KIDINS220: variants seen among roughly 807,000 people sequenced by gnomAD.
The protein encoded by KIDINS220 is kinase D-interacting substrate of 220 kDa.
A neutral mutation model predicts 157.6 loss-of-function variants in KIDINS220; 63 were observed. That is an observed-to-expected ratio of 0.40 (90% CI 0.33 to 0.49). The LOEUF (loss-of-function observed/expected upper bound fraction) is 0.49. Among genes scored for constraint, KIDINS220 ranks in the 20% least tolerant of loss-of-function variants. KIDINS220 has a pLI of 0.66. For missense variants in KIDINS220, 1,772 were observed against 2,171.2 expected (o/e 0.82, Z 3.65); for synonymous variants, 732 against 783.6 (o/e 0.93, Z 1.10).
intron 11 of KIDINS220, among the ~76,000 whole-genome samples, chr2:8,794,488 C>T (rs372645007): frequency 2.0e-5 from 3 of 152,230 alleles, no homozygotes; most frequent in Non-Finnish European, 4.4e-5. Flanking sequence ...CCATTTGCCA[C>T]AGTGAACCCT....
chr2:8,819,834 T>C (rs1382805160), intron 2 of KIDINS220, among the ~76,000 whole-genome samples: 1 of 151,816 alleles, frequency 6.6e-6, no homozygotes, highest in Non-Finnish European at 1.5e-5. Context: ...AAAAAAAAAT[T>C]TAAATTAAAA....
Position 8,730,605 on chromosome 2 carries a change from T to A in KIDINS220, c.*115A>T. Reference sequence around the variant, plus strand: ...TGTCTCTTTTACCTCGGCCTCATCATCGGTTAGTTATCTGTCAGCAAAATG... The same window carrying A: ...TGTCTCTTTTACCTCGGCCTCATCAACGGTTAGTTATCTGTCAGCAAAATG... On this transcript the variant is annotated 3_prime_UTR_variant, in exon 30 of 30. Transcript: ENST00000256707. 1 of 1,452,998 alleles carries A rather than the reference T, an allele frequency of 6.9e-7. No homozygotes were observed. Among genetic ancestry groups the A allele is most frequent in the East Asian group, 2.4e-5 (1 of 41,372 alleles). The allele number at this position is 1,452,998 out of a possible 1,614,324, so 90.0% of individuals were successfully genotyped here. A position where few individuals can be genotyped will look rare whatever the true frequency, so the allele number is the denominator to read the frequency against.
chr2:8,751,394 C>A (rs1290499743), intron 23 of KIDINS220, 72 bp downstream of exon 23: 1 of 1,314,476 alleles, frequency 7.6e-7, no homozygotes, highest in East Asian at 2.3e-5. Context: ...GAGAAATGTA[C>A]ACAAATAAGT....
Position 8,730,109 on chromosome 2 carries a change from G to A in KIDINS220, c.*611C>T. On this transcript the variant is annotated 3_prime_UTR_variant, in exon 30 of 30. Transcript: ENST00000256707. ...CTCAGGACAGCCCCGTCACACTACTGCCAGCCCTGGTGACTCACTTTGTTG... is the reference window on the plus strand; with the variant it reads ...CTCAGGACAGCCCCGTCACACTACTACCAGCCCTGGTGACTCACTTTGTTG... 1 of 985,828 alleles carries A rather than the reference G, an allele frequency of 1.0e-6. No homozygotes were observed. The highest frequency in any genetic ancestry group is 1.1e-4 in the East Asian group (1 of 8,830). 61.1% of individuals were successfully genotyped at this position (985,828 alleles called of 1,614,324 possible).
chr2:8,824,312 C>T (rs1291163910), intron 2 of KIDINS220, among the ~76,000 whole-genome samples: 1 of 152,110 alleles, frequency 6.6e-6, no homozygotes, highest in Non-Finnish European at 1.5e-5. Context: ...ATTTCCTTAA[C>T]GACTGAGTTA....
intron 17 of KIDINS220, among the ~76,000 whole-genome samples, chr2:8,780,033 G>A (rs1671481874): frequency 6.6e-6 from 1 of 152,196 alleles, no homozygotes; most frequent in Non-Finnish European, 1.5e-5. Context: ...ATGACACTGT[G>A]GGATAGACAC....
At position 8,770,729 on chromosome 2, in the gene KIDINS220, T is replaced by C. The variant is rs1445872148; in HGVS notation, c.2952A>G (p.Leu984=). 4.3e-6 allele frequency: 7 copies of C among 1,611,732 alleles called. No individual in the cohort carries two copies. The highest frequency in any genetic ancestry group is 5.9e-6 in the Non-Finnish European group (7 of 1,178,432). The change falls in exon 22 of 30, where the codon TTA becomes TTG. Residue 984 remains leucine, a synonymous_variant. Transcript: ENST00000256707. ...GAATACCTTCAGTCTCTTCCAAATA[T>C]AATATGAGCCATGAAGTCCGGTATG... ...QWPYRTSWLI[L]YLEETEGIPD... is the part of the protein sequence containing the mutation.
Position 8,780,977 on chromosome 2 carries a change from C to CA in KIDINS220, c.2230-1164dup, listed in dbSNP as rs1671639686. 2.6e-5 allele frequency among the ~76,000 whole-genome samples: 4 copies of CA among 151,098 alleles called. No homozygotes were observed. In the South Asian group the frequency reaches 8.4e-4, roughly 32 times the overall value. ...TTGAGCGTCAGTGTTCTAAAGATAT[C>CA]AATTAAAAGAGATGTCAGAGATGAT... On this transcript the variant is annotated intron_variant, in intron 17 of 29. Transcript: ENST00000256707.
intron 22 of KIDINS220, among the ~76,000 whole-genome samples, chr2:8,766,425 A>G (rs747300031): frequency 6.6e-6 from 1 of 152,030 alleles, no homozygotes; most frequent in African/African-American, 2.4e-5. Context: ...ACTACTCTTC[A>G]TCTCCTTAAC....
chr2:8,744,379 A>T (rs1377559722), intron 26 of KIDINS220, among the ~76,000 whole-genome samples: 2 of 26,564 alleles, frequency 7.5e-5, no homozygotes, highest in South Asian at 1.8e-3. Flanking sequence ...AAAAAAAAAA[A>T]AAAAAAAAAA....
chr2:8,733,547 T>C lies in KIDINS220; in HGVS notation c.3950A>G (p.Glu1317Gly). The change falls in exon 29 of 30, where the codon GAG (glutamate) becomes GGG (glycine). Residue 1317 changes from glutamate to glycine, a missense_variant. Coordinates refer to ENST00000256707, the MANE Select transcript of KIDINS220 (RefSeq NM_020738.4). ...TGTGTAGGGCGTCTGGCTGGAGAGC[T>C]CGGTGTGAGGCAGCTCGTTGTGGGA... Reference protein sequence around the residue: ...RASHNELPHTELSSQTPYTLN... With the variant: ...RASHNELPHTGLSSQTPYTLN... The C allele has an allele frequency of 3.7e-6, 6 of 1,614,130 alleles. No homozygotes were observed. The highest frequency in any genetic ancestry group is 1.3e-5 in the African/African-American group (1 of 75,034).
rs753221757 is a variant in KIDINS220 at position 8,731,050 on chromosome 2, G to A, written c.4986C>T (p.Ser1662=). ...GGCATGCAGGCCAGTTTTCTTCAGG[G>A]CTGCTGGCTATCAAGCTGCATTCGG... ...SPSECSLIAS[S]PEENWPACQK... is the part of the protein sequence containing the mutation. The change falls in exon 30 of 30, where the codon AGC becomes AGT. Residue 1662 remains serine (S), a synonymous_variant. Coordinates refer to ENST00000256707, the MANE Select transcript of KIDINS220 (RefSeq NM_020738.4). The surrounding 1 kb of genome is among the most constrained non-coding windows in gnomAD (Gnocchi z 5.2). 3.7e-6 allele frequency: 6 copies of A among 1,614,196 alleles called. No homozygotes were observed. The South Asian group carries it at 6.6e-5, about 18-fold the overall frequency.
At chr2:8,761,278 A>T (rs1668716611) in intron 22 of KIDINS220, among the ~76,000 whole-genome samples, 1 of 152,320 alleles carries the variant, frequency 6.6e-6, no homozygotes, top group South Asian at 2.1e-4. Flanking sequence ...TAGAGAAAGG[A>T]GGCTCTGAAC....
At chr2:8,812,189 G>T (rs1412049666) in intron 6 of KIDINS220, among the ~76,000 whole-genome samples, 4 of 152,102 alleles carry the variant, frequency 2.6e-5, no homozygotes, top group African/African-American at 9.7e-5. Context: ...TGATGAATGT[G>T]ACATAAGAAA....
rs375498327 is a variant in KIDINS220 at position 8,737,029 on chromosome 2, G to A, written c.3586-30C>T. 1.6e-5 allele frequency: 25 copies of A among 1,610,510 alleles called. No homozygotes were observed. The African/African-American group carries it at 3.2e-4, about 21-fold the overall frequency. ...AGAAGTCAAGGAAAAATACAGGTAT[G>A]AATAAGCATTTAATGCCATCTATAA... On this transcript the variant is annotated intron_variant, in intron 26 of 29. Coordinates refer to ENST00000256707, the MANE Select transcript of KIDINS220 (RefSeq NM_020738.4).
At chr2:8,728,235 G>A (rs760808111), downstream of KIDINS220, among the ~76,000 whole-genome samples, 3 of 152,078 alleles carry the variant, frequency 2.0e-5, no homozygotes, top group Admixed American at 6.5e-5. Flanking sequence ...CCAGCTACTC[G>A]GGAGGCTGAG....
chr2:8,784,189 C>T (rs931978320), intron 17 of KIDINS220, among the ~76,000 whole-genome samples: 1 of 103,442 alleles, frequency 9.7e-6, no homozygotes, highest in African/African-American at 3.3e-5. Context: ...CAACTGGAAA[C>T]AAAAAAAAAA....
Position 8,793,707 on chromosome 2 carries a change from G to A in KIDINS220, c.1276+103C>T, listed in dbSNP as rs1308294666. On this transcript the variant is annotated intron_variant, in intron 12 of 29. Coordinates refer to ENST00000256707, the MANE Select transcript of KIDINS220 (RefSeq NM_020738.4). ...TCCCACCTCGGCCTCCTCAAGTGCT[G>A]GGATTACAGGCATGAGCCACCATGC... 4.6e-6 allele frequency: 5 copies of A among 1,080,508 alleles called. No individual in the cohort carries two copies. The Admixed American group carries it at 9.0e-5, about 19-fold the overall frequency. 66.9% of individuals were successfully genotyped at this position (1,080,508 alleles called of 1,614,324 possible).
At chr2:8,818,669 G>T in intron 3 of KIDINS220, 26 bp downstream of exon 3, 1 of 1,295,452 alleles carries the variant, frequency 7.7e-7, no homozygotes, top group Non-Finnish European at 1.1e-6. Context: ...GTGAGTAAAT[G>T]ATGAGTAAAT....
Sources: allele counts gnomAD v4.1 joint callset (sites outside exome capture counted in the v4.1 genomes callset), GRCh38; gene constraint gnomAD v4.1.1; non-coding constraint Gnocchi (gnomAD v3.1); transcripts MANE v1.5; gene names NCBI Gene and HGNC (gene_info 2026-07-23, HGNC 2026-07-21).